Variants in CBR4 observed in about 807,000 individuals in gnomAD.
The protein encoded by CBR4 is 3-oxoacyl-[acyl-carrier-protein] reductase.
In CBR4, 22 loss-of-function variants were observed where a neutral mutation model predicts 21.0. The ratio of observed to expected loss-of-function variants is 1.05; its 90% CI spans 0.75 to 1.50. The LOEUF (loss-of-function observed/expected upper bound fraction) is 1.50. Ranked by LOEUF, CBR4 falls within the 40% of genes most tolerant of loss-of-function variation. The pLI is 0.00. For missense variants in CBR4, 302 were observed against 286.3 expected (o/e 1.05, Z -0.40); for synonymous variants, 100 against 104.4 (o/e 0.96, Z 0.26).
chr4:168,948,627 C>CT (rs1216448545), intron 2 of CBR4, among the ~76,000 whole-genome samples: 1 of 151,950 alleles, frequency 6.6e-6, no homozygotes, highest in African/African-American at 2.4e-5. Context: ...AAGGGTATCC[C>CT]TTCCCCACTT....
chr4:168,895,728 A>G (rs537807216), intron 2 of CBR4, among the ~76,000 whole-genome samples: 8 of 152,342 alleles, frequency 5.3e-5, no homozygotes, highest in South Asian at 2.1e-4. Context: ...AAATCCATAT[A>G]TAAGTGGACC....
chr4:168,894,814 A>G, intron 2 of CBR4: 1 of 1,418,806 alleles, frequency 7.0e-7, no homozygotes, highest in Non-Finnish European at 9.5e-7. Flanking sequence ...TAATATCATC[A>G]GTCAACCTCA....
At chr4:168,976,199 C>T (rs1426552848) in intron 2 of CBR4, among the ~76,000 whole-genome samples, 5 of 152,228 alleles carry the variant, frequency 3.3e-5, no homozygotes, top group Admixed American at 1.3e-4. Context: ...CACTCTGTAG[C>T]CCCTTCCCAA....
chr4:168,914,921 A>G (rs192061036), intron 2 of CBR4, among the ~76,000 whole-genome samples: 34 of 152,030 alleles, frequency 2.2e-4, no homozygotes, highest in African/African-American at 7.0e-4. Flanking sequence ...TTTAATTCTA[A>G]CTTCATCATG....
Position 168,928,659 on chromosome 4 carries a change from T to A in CBR4, n.170-33894A>T, listed in dbSNP as rs557716707. On this transcript the variant is annotated intron_variant and non_coding_transcript_variant, in intron 2 of 3. Transcript: ENST00000509108. ...TGGAGCTCAAGATCCTCTTCAAAAT[T>A]CAAGTGGTTGTGATAGCTCTGTGCA... Among the ~76,000 whole-genome samples the A allele has an allele frequency of 3.9e-5, 6 of 152,224 alleles. No homozygotes were observed. The South Asian group carries it at 1.2e-3, about 32-fold the overall frequency.
chr4:168,999,876 C>A (rs970204400), intron 4 of CBR4, among the ~76,000 whole-genome samples: 1 of 152,114 alleles, frequency 6.6e-6, no homozygotes, highest in Admixed American at 6.6e-5. Context: ...TATGACACTG[C>A]AATTATTTGT....
intron 2 of CBR4, among the ~76,000 whole-genome samples, chr4:168,910,309 C>G (rs2151376467): frequency 7.0e-6 from 1 of 143,566 alleles, no homozygotes; most frequent in South Asian, 2.2e-4. Flanking sequence ...GCATATTTTT[C>G]CTCCTCCACA....
chr4:169,010,247 C>T lies in CBR4; in HGVS notation c.-158G>A. 3.0e-6 allele frequency: 2 copies of T among 657,076 alleles called. No homozygotes were observed. The highest frequency in any genetic ancestry group is 3.0e-5 in the East Asian group (1 of 33,002). The allele number at this position is 657,076 out of a possible 1,614,324, so 40.7% of individuals were successfully genotyped here. ...CGCCGCTCGACACCTCCTGCAGCCG[C>T]ACAATAGTAATGCAAGACGCCGTGA... On this transcript the variant is annotated 5_prime_UTR_variant, in exon 1 of 5. Transcript: ENST00000306193.
chr4:169,005,958 C>T (rs17543549), intron 3 of CBR4: 37,318 of 1,190,034 alleles, frequency 0.031, 691 homozygotes, highest in Non-Finnish European at 0.036. Flanking sequence ...AGATGGTATA[C>T]TATTATTTCC....
chr4:169,005,687 A>G (rs1168147279), intron 3 of CBR4, among the ~76,000 whole-genome samples: 1 of 152,198 alleles, frequency 6.6e-6, no homozygotes. Context: ...GTTAAAAGGC[A>G]AAGGTTGACT....
At chr4:168,927,884 T>G (rs1349994558) in intron 2 of CBR4, 1 of 207,472 alleles carries the variant, frequency 4.8e-6, no homozygotes, top group African/African-American at 2.3e-5. Context: ...AAGAAAACAC[T>G]GTATTCCTTA....
chr4:168,990,430 A>G lies in CBR4; in HGVS notation c.536-102T>C, dbSNP rs551250819. On this transcript the variant is annotated intron_variant, in intron 4 of 4. Transcript: ENST00000306193. ...TTGTTTCTGAAAATTTTAATTTGAA[A>G]TTATTTAAAAAAAAATTTTTTTTTG... is the stretch of plus-strand genomic sequence containing the variant. 288 of 1,214,188 alleles carry G rather than the reference A, an allele frequency of 2.4e-4. 1 individual carries two copies. The African/African-American group carries it at 4.2e-3, about 18-fold the overall frequency. 75.2% of individuals were successfully genotyped at this position (1,214,188 alleles called of 1,614,324 possible).
intron 2 of CBR4, chr4:168,927,954 T>G (rs568499819): frequency 5.0e-6 from 1 of 198,162 alleles, no homozygotes; most frequent in East Asian, 8.0e-5. Flanking sequence ...AGTTACTCAA[T>G]TCATACGTAG....
At chr4:168,934,273 C>CAAAAAAAA (rs1206272373) in intron 2 of CBR4, among the ~76,000 whole-genome samples, 1 of 10,670 alleles carries the variant, frequency 9.4e-5, no homozygotes. Flanking sequence ...ACTAGAAAAG[C>CAAAAAAAA]AAAAAAAACA....
intron 2 of CBR4, among the ~76,000 whole-genome samples, chr4:168,905,138 GTTTT>G (rs777740588): frequency 5.8e-5 from 2 of 34,524 alleles, no homozygotes; most frequent in African/African-American, 7.7e-5. Flanking sequence ...TGTTTTGTTG[GTTTT>G]TTTTTTTTTT....
At chr4:168,944,964 T>TTC (rs146502788) in intron 2 of CBR4, among the ~76,000 whole-genome samples, 2,613 of 152,340 alleles carry the variant, frequency 0.017, 57 homozygotes, top group African/African-American at 0.044. Context: ...TTTATTCATA[T>TTC]TCTCTGTTAA....
intron 2 of CBR4, among the ~76,000 whole-genome samples, chr4:168,970,282 C>T (rs1398436957): frequency 1.3e-5 from 2 of 151,888 alleles, no homozygotes; most frequent in Non-Finnish European, 2.9e-5. Context: ...TTTAAGAATT[C>T]CCGCCACACC....
Position 168,989,255 on chromosome 4 carries a change from AC to A in CBR4, c.*894del. The A allele has an allele frequency of 1.0e-6, 1 of 982,820 alleles. No homozygotes were observed. Among genetic ancestry groups the A allele is most frequent in the Non-Finnish European group, 1.2e-6 (1 of 827,586 alleles). 60.9% of individuals were successfully genotyped at this position (982,820 alleles called of 1,614,324 possible). A position where few individuals can be genotyped will look rare whatever the true frequency, so the allele number is the denominator to read the frequency against. On this transcript the variant is annotated 3_prime_UTR_variant, in exon 5 of 5. Transcript: ENST00000306193. ...TCTCGTTTTTAAATATTAATAGTTC[AC>A]TATTCTAAGTTTTTCATGAATAAAA...
At chr4:168,913,346 C>G (rs1388282350) in intron 2 of CBR4, among the ~76,000 whole-genome samples, 1 of 151,956 alleles carries the variant, frequency 6.6e-6, no homozygotes, top group Non-Finnish European at 1.5e-5. Flanking sequence ...ACCATATTGG[C>G]CAGGCTGGGC....
Sources: gnomAD v4.1 joint callset for allele counts (sites outside exome capture counted in the v4.1 genomes callset) on GRCh38, gnomAD v4.1.1 for gene constraint, MANE v1.5 for transcripts, NCBI Gene and HGNC (gene_info 2026-07-23, HGNC 2026-07-21) for gene names.